Variants in EPHB1 observed in about 807,000 individuals in gnomAD.
EPHB1 encodes the protein ephrin type-B receptor 1.
A neutral mutation model predicts 94.4 loss-of-function variants in EPHB1; 30 were observed. That is an observed-to-expected ratio of 0.32 (90% CI 0.24 to 0.43). The LOEUF is 0.43. EPHB1 is among the 20% of genes least tolerant of loss of function. EPHB1 has a pLI of 1.00. For synonymous variants in EPHB1, 522 were observed against 489.1 expected (o/e 1.07, Z -0.89); for missense variants, 1,055 against 1,308.3 (o/e 0.81, Z 2.99).
chr3:135,013,032 T>C (rs1026829737), intron 3 of EPHB1, among the ~76,000 whole-genome samples: 1 of 152,170 alleles, frequency 6.6e-6, no homozygotes, highest in Non-Finnish European at 1.5e-5. Flanking sequence ...GACATCATAA[T>C]AGATGTGGCA....
intron 11 of EPHB1, among the ~76,000 whole-genome samples, chr3:135,196,044 G>A (rs1428208911): frequency 2.1e-5 from 3 of 143,182 alleles, no homozygotes; most frequent in Admixed American, 6.9e-5. Context: ...GTGTGAGATG[G>A]TATCTCATAG....
intron 1 of EPHB1, among the ~76,000 whole-genome samples, chr3:134,860,540 C>T (rs949917345): frequency 2.0e-5 from 3 of 152,094 alleles, no homozygotes; most frequent in East Asian, 1.9e-4. Flanking sequence ...CTTGGCCGGG[C>T]GCGATGGCTC....
At chr3:135,178,193 C>G (rs1046033848) in intron 9 of EPHB1, among the ~76,000 whole-genome samples, 1 of 143,878 alleles carries the variant, frequency 7.0e-6, no homozygotes, top group Non-Finnish European at 1.5e-5. Context: ...GTGACTCACA[C>G]CTGTAATCCC....
intron 3 of EPHB1, among the ~76,000 whole-genome samples, chr3:135,105,077 A>G (rs1351232391): frequency 6.6e-6 from 1 of 152,216 alleles, no homozygotes; most frequent in Non-Finnish European, 1.5e-5. Flanking sequence ...AGAGTAATGC[A>G]TGGAAAGCAC....
chr3:135,133,145 G>C (rs1424032283), intron 5 of EPHB1, 96 bp downstream of exon 5: 1 of 1,221,612 alleles, frequency 8.2e-7, no homozygotes, highest in Non-Finnish European at 1.1e-6. Context: ...TCCTGCCCGT[G>C]TACTGTCAGG....
intron 1 of EPHB1, among the ~76,000 whole-genome samples, chr3:134,915,587 A>G (rs36202): frequency 0.36 from 54,525 of 151,874 alleles, 10,913 homozygotes; most frequent in South Asian, 0.56. Flanking sequence ...TACAGTTCTT[A>G]AAGGCGGCGT....
intron 6 of EPHB1, among the ~76,000 whole-genome samples, chr3:135,154,843 T>TG (rs1941302051): frequency 6.6e-6 from 1 of 152,162 alleles, no homozygotes; most frequent in Non-Finnish European, 1.5e-5. Context: ...AGGATGACAG[T>TG]GGGGCATGGG....
At chr3:134,854,370 A>T (rs1177190563) in intron 1 of EPHB1, among the ~76,000 whole-genome samples, 1 of 151,340 alleles carries the variant, frequency 6.6e-6, no homozygotes, top group East Asian at 2.0e-4. Flanking sequence ...AATCCTCTAA[A>T]CTCTCCCTCT....
chr3:135,037,080 C>T (rs375690283), intron 3 of EPHB1, among the ~76,000 whole-genome samples: 30 of 152,186 alleles, frequency 2.0e-4, no homozygotes, highest in African/African-American at 3.9e-4. Context: ...CCTGGGATAT[C>T]GCCACCCTCA....
At chr3:134,967,413 C>T (rs1288764208) in intron 3 of EPHB1, among the ~76,000 whole-genome samples, 1 of 152,042 alleles carries the variant, frequency 6.6e-6, no homozygotes, top group Non-Finnish European at 1.5e-5. Flanking sequence ...AGAGATAGGA[C>T]CTTTGCTAGG....
At chr3:135,150,621 C>T (rs1299162146) in intron 5 of EPHB1, among the ~76,000 whole-genome samples, 1 of 152,162 alleles carries the variant, frequency 6.6e-6, no homozygotes, top group African/African-American at 2.4e-5. Context: ...GGTTTCTAGG[C>T]GATCACACTC....
chr3:134,956,535 T>TG (rs1933283282), intron 3 of EPHB1, among the ~76,000 whole-genome samples: 1 of 152,102 alleles, frequency 6.6e-6, no homozygotes, highest in Admixed American at 6.5e-5. Flanking sequence ...CTTCATTGTC[T>TG]GGGGCTGTCA....
At chr3:135,099,848 G>A (rs190024759) in intron 3 of EPHB1, among the ~76,000 whole-genome samples, 93 of 152,238 alleles carry the variant, frequency 6.1e-4, no homozygotes, top group Admixed American at 5.6e-3. Context: ...AGAACAAAGC[G>A]TAAGATAAAG....
chr3:135,259,855 ATATG>A lies in EPHB1; in HGVS notation c.*741_*744del, dbSNP rs1933570091. 2 of 225,260 alleles carry A rather than the reference ATATG, an allele frequency of 8.9e-6. No homozygotes were observed. The highest frequency in any genetic ancestry group is 1.8e-5 in the Non-Finnish European group (2 of 112,770). 14.0% of individuals were successfully genotyped at this position (225,260 alleles called of 1,614,324 possible). A position where few individuals can be genotyped will look rare whatever the true frequency, so the allele number is the denominator to read the frequency against. On this transcript the variant is annotated 3_prime_UTR_variant, in exon 16 of 16. Coordinates refer to ENST00000398015, the MANE Select transcript of EPHB1 (RefSeq NM_004441.5). The stretch of plus-strand genomic sequence containing the variant: ...CCTGTTTCCGTGTGCAAAAGCACAC[ATATG>A]TATGTCTGTGTTATAAAATGACTGT...
chr3:135,031,474 G>C lies in EPHB1; in HGVS notation c.806-74974G>C, dbSNP rs1000731003. Among the ~76,000 whole-genome samples, 5 of 151,980 alleles carry C rather than the reference G, an allele frequency of 3.3e-5. No individual in the cohort carries two copies. The South Asian group carries it at 6.2e-4, about 19-fold the overall frequency. Reference sequence around the variant, plus strand: ...GGAGGTATACACCACCATGCCTGGCGAATTTTTGTATATTTTGTAGAGGCA... The same window carrying C: ...GGAGGTATACACCACCATGCCTGGCCAATTTTTGTATATTTTGTAGAGGCA... On this transcript the variant is annotated intron_variant, in intron 3 of 15. Coordinates refer to ENST00000398015, the MANE Select transcript of EPHB1 (RefSeq NM_004441.5).
intron 1 of EPHB1, among the ~76,000 whole-genome samples, chr3:134,895,990 G>A (rs190970578): frequency 1.3e-5 from 2 of 152,266 alleles, no homozygotes; most frequent in African/African-American, 4.8e-5. Context: ...GGGCTGGGGA[G>A]AAGCAAGGAA....
intron 3 of EPHB1, among the ~76,000 whole-genome samples, chr3:135,081,708 C>A (rs1306535373): frequency 1.3e-5 from 2 of 152,128 alleles, no homozygotes; most frequent in Non-Finnish European, 2.9e-5. Context: ...ATATGGCTTA[C>A]ATGTTTCCAG....
At chr3:135,180,028 A>G (rs1942112267) in intron 10 of EPHB1, 46 bp downstream of exon 10, 3 of 1,610,180 alleles carry the variant, frequency 1.9e-6, no homozygotes, top group African/African-American at 2.7e-5. Flanking sequence ...GTGTCCAAAC[A>G]TCTTCTTTCC....
At chr3:134,999,232 A>G (rs1215581089) in intron 3 of EPHB1, among the ~76,000 whole-genome samples, 1 of 152,088 alleles carries the variant, frequency 6.6e-6, no homozygotes, top group Non-Finnish European at 1.5e-5. Context: ...AAAAAAAGAG[A>G]GCTTGAGAGA....
Sources: gnomAD v4.1 joint callset for allele counts (sites outside exome capture counted in the v4.1 genomes callset) on GRCh38, gnomAD v4.1.1 for gene constraint, MANE v1.5 for transcripts, NCBI Gene and HGNC (gene_info 2026-07-23, HGNC 2026-07-21) for gene names.